Variants in LRRC7 observed in about 807,000 individuals in gnomAD.
LRRC7 encodes leucine rich repeat containing 7, also known as leucine-rich repeat-containing protein 7.
Under a neutral mutation model 175.7 loss-of-function variants are expected in LRRC7, and 23 were observed. The ratio of observed to expected loss-of-function variants is 0.13; its 90% CI spans 0.09 to 0.19. LRRC7 has a LOEUF of 0.19. Among genes scored for constraint, LRRC7 ranks in the 10% least tolerant of loss-of-function variants. The pLI is 1.00. For missense variants in LRRC7, 1,354 were observed against 1,904.7 expected (o/e 0.71, Z 5.38); for synonymous variants, 685 against 680.9 (o/e 1.01, Z -0.09).
intron 7 of LRRC7, among the ~76,000 whole-genome samples, chr1:69,925,042 C>G (rs1647019120): frequency 2.0e-5 from 3 of 152,188 alleles, no homozygotes; most frequent in Admixed American, 6.5e-5. Flanking sequence ...GCCTTTTCTG[C>G]ATCTGTTGAG....
chr1:69,811,691 A>G (rs1253017176), intron 4 of LRRC7, among the ~76,000 whole-genome samples: 3 of 152,028 alleles, frequency 2.0e-5, no homozygotes, highest in Non-Finnish European at 4.4e-5. Context: ...AACACCGCAT[A>G]TTCTCACTCA....
intron 1 of LRRC7, among the ~76,000 whole-genome samples, chr1:69,655,759 T>C (rs1656516052): frequency 6.6e-6 from 1 of 152,100 alleles, no homozygotes; most frequent in African/African-American, 2.4e-5. Context: ...GTTTGTTTCT[T>C]GAGCTATAGA....
intron 18 of LRRC7, among the ~76,000 whole-genome samples, chr1:70,035,234 T>C (rs1359806711): frequency 6.6e-6 from 1 of 152,164 alleles, no homozygotes; most frequent in Non-Finnish European, 1.5e-5. Flanking sequence ...TCACTACTTA[T>C]GGGCATAGAT....
intron 25 of LRRC7, among the ~76,000 whole-genome samples, chr1:70,092,252 C>T (rs189545600): frequency 2.0e-5 from 3 of 152,160 alleles, no homozygotes; most frequent in African/African-American, 7.2e-5. Context: ...GGCTGATTTA[C>T]AGCTGGAAGT....
chr1:70,004,250 G>C (rs1655799566), intron 11 of LRRC7, among the ~76,000 whole-genome samples: 1 of 151,960 alleles, frequency 6.6e-6, no homozygotes, highest in African/African-American at 2.4e-5. Flanking sequence ...TGTTTTACTT[G>C]GAAAACAGTA....
chr1:69,702,745 G>T (rs181704982), intron 2 of LRRC7, among the ~76,000 whole-genome samples: 269 of 152,178 alleles, frequency 1.8e-3, no homozygotes, highest in African/African-American at 6.1e-3. Flanking sequence ...AATGATTTTT[G>T]ATTGAATATA....
At chr1:69,690,186 A>T (rs989500698) in intron 2 of LRRC7, among the ~76,000 whole-genome samples, 2 of 152,186 alleles carry the variant, frequency 1.3e-5, no homozygotes, top group African/African-American at 4.8e-5. Flanking sequence ...TTTTTTAAAG[A>T]TCCATTGCCA....
chr1:70,000,916 A>C (rs542942300), intron 11 of LRRC7, among the ~76,000 whole-genome samples: 2 of 152,300 alleles, frequency 1.3e-5, no homozygotes, highest in African/African-American at 4.8e-5. Context: ...ATTTAAATAT[A>C]TCTTCCACAG....
chr1:69,908,135 A>C (rs900032240), intron 7 of LRRC7, among the ~76,000 whole-genome samples: 1 of 151,748 alleles, frequency 6.6e-6, no homozygotes, highest in African/African-American at 2.4e-5. Context: ...TATTGCGTCT[A>C]TTTCATTCTT....
intron 7 of LRRC7, among the ~76,000 whole-genome samples, chr1:69,867,954 A>G (rs949101933): frequency 6.6e-6 from 1 of 152,170 alleles, no homozygotes; most frequent in African/African-American, 2.4e-5. Context: ...CTTCCATAAA[A>G]GTAAAATTAA....
In LRRC7 at chr1:69,718,116, AG is replaced by A. The variant is rs200344408; in HGVS notation, c.100+39639del. Among the ~76,000 whole-genome samples, 108 of 81,332 alleles carry A rather than the reference AG, an allele frequency of 1.3e-3. 3 individuals are homozygous for A. Among genetic ancestry groups the A allele is most frequent in the African/African-American group, 5.5e-3 (94 of 16,986 alleles). 53.4% of individuals were successfully genotyped at this position (81,332 alleles called of 152,430 possible). On this transcript the variant is annotated intron_variant, in intron 2 of 26. Transcript: ENST00000651989. ...AAAGAGAAGAAAGAGAGAAAAAGAA[AG>A]AAAGAAAGAAAAGAAAGAAAGAGAG...
intron 18 of LRRC7, among the ~76,000 whole-genome samples, chr1:70,034,889 G>A (rs1231366771): frequency 6.6e-6 from 1 of 152,118 alleles, no homozygotes; most frequent in Non-Finnish European, 1.5e-5. Context: ...CCAAAAGATA[G>A]AACTTAAACC....
intron 26 of LRRC7, among the ~76,000 whole-genome samples, chr1:70,120,307 A>T (rs895282971): frequency 5.3e-5 from 8 of 152,064 alleles, no homozygotes; most frequent in Non-Finnish European, 1.2e-4. Flanking sequence ...GAATGTATTT[A>T]AGATTTCTTT....
intron 2 of LRRC7, among the ~76,000 whole-genome samples, chr1:69,739,513 A>G (rs776134980): frequency 7.9e-5 from 12 of 152,134 alleles, no homozygotes; most frequent in Non-Finnish European, 1.6e-4. Context: ...GTGTAGCCTC[A>G]GAATGAATAC....
intron 1 of LRRC7, among the ~76,000 whole-genome samples, chr1:69,592,175 C>T (rs1320632041): frequency 6.6e-6 from 1 of 152,020 alleles, no homozygotes; most frequent in Non-Finnish European, 1.5e-5. Context: ...CCCTCCCTCA[C>T]ACACATATAC....
chr1:69,691,797 C>CA lies in LRRC7; in HGVS notation c.100+13343dup, dbSNP rs57676937. The stretch of plus-strand genomic sequence containing the variant: ...TGGGCAAAAGAGGGAGACCCTGTCT[C>CA]AAAAAAAAAAAAAAAAAAAAAAAAG... On this transcript the variant is annotated intron_variant, in intron 2 of 26. Transcript: ENST00000651989. Among the ~76,000 whole-genome samples the CA allele has an allele frequency of 6.3e-3, 538 of 84,994 alleles. 5 individuals are homozygous for CA. The highest frequency in any genetic ancestry group is 0.02 in the Middle Eastern group (2 of 100). 55.8% of individuals were successfully genotyped at this position (84,994 alleles called of 152,430 possible). A position where few individuals can be genotyped will look rare whatever the true frequency, so the allele number is the denominator to read the frequency against.
chr1:69,983,108 A>G (rs1653599217), intron 9 of LRRC7, among the ~76,000 whole-genome samples: 1 of 152,250 alleles, frequency 6.6e-6, no homozygotes, highest in African/African-American at 2.4e-5. Context: ...AGAAGAGTGA[A>G]CTTAGGTAAC....
intron 24 of LRRC7, among the ~76,000 whole-genome samples, chr1:70,077,310 A>T (rs908502098): frequency 1.7e-4 from 26 of 152,308 alleles, no homozygotes; most frequent in Non-Finnish European, 3.4e-4. Flanking sequence ...CATTGTAAAG[A>T]TAATCTTCTC....
chr1:69,717,052 T>C (rs1281523019), intron 2 of LRRC7, among the ~76,000 whole-genome samples: 1 of 149,542 alleles, frequency 6.7e-6, no homozygotes, highest in Non-Finnish European at 1.5e-5. Context: ...TTTACATATA[T>C]ATCTACATAT....
Sources: allele counts gnomAD v4.1 joint callset (sites outside exome capture counted in the v4.1 genomes callset), GRCh38; gene constraint gnomAD v4.1.1; transcripts MANE v1.5; gene names NCBI Gene and HGNC (gene_info 2026-07-23, HGNC 2026-07-21).